The following DMXL2 variants were observed in gnomAD, a reference collection of about 807,000 sequenced individuals.
DMXL2 encodes Dmx like 2.
DMXL2 carries 103 observed loss-of-function variants against 331.1 expected under a neutral mutation model. The ratio of observed to expected loss-of-function variants is 0.31; its 90% CI spans 0.27 to 0.37. The LOEUF is 0.37. Ranked by LOEUF, DMXL2 falls within the 10% of genes least tolerant of loss-of-function variation. The pLI is 1.00. For missense variants in DMXL2, 3,171 were observed against 3,642.9 expected, an observed-to-expected ratio of 0.87 and a Z score of 3.33; for synonymous variants, 1,281 against 1,252.1, an observed-to-expected ratio of 1.02 and a Z score of -0.49.
intron 1 of DMXL2, among the ~76,000 whole-genome samples, chr15:51,608,093 G>A (rs1480610022): frequency 6.6e-6 from 1 of 151,942 alleles, no homozygotes; most frequent in African/African-American, 2.4e-5. Flanking sequence ...GCTGAGGCAG[G>A]AGAACCACGT....
In DMXL2 at chr15:51,537,717, G is replaced by A. The variant is rs1413732407; in HGVS notation, c.1388C>T (p.Ser463Leu). 5 of 1,613,672 alleles carry A rather than the reference G, an allele frequency of 3.1e-6. No individual in the cohort carries two copies. The highest frequency in any genetic ancestry group is 4.2e-6 in the Non-Finnish European group (5 of 1,179,808). ...TTCTCTTTCTCCATCTTCATGTTCT[G>A]ATGATCCTGTACCTGCCTCAGATTC... ...DRESEAGTGS[S>L]EHEDGEREGS... Residue 463 changes from serine to leucine, a missense_variant, in exon 11 of 44, where the codon TCA becomes TTA. Physicochemically the swap from Ser to Leu is moderately radical, Grantham distance 145. Transcript: ENST00000560891.
chr15:51,617,418 A>G lies in DMXL2; in HGVS notation c.87+5041T>C, dbSNP rs1225001307. 4.6e-4 allele frequency among the ~76,000 whole-genome samples: 70 copies of G among 152,204 alleles called. 1 individual carries two copies. Among genetic ancestry groups the G allele is most frequent in the Admixed American group, 4.5e-3 (68 of 15,278 alleles). On this transcript the variant is annotated intron_variant, in intron 1 of 43. Transcript: ENST00000560891. ...GAGGCTTCTCCTCAGCTGTAAGCCC[A>G]AAGACTCATTCCTAGACCCACTACT...
At chr15:51,533,806 T>C (rs993339940) in intron 13 of DMXL2, among the ~76,000 whole-genome samples, 1 of 152,214 alleles carries the variant, frequency 6.6e-6, no homozygotes, top group African/African-American at 2.4e-5. Flanking sequence ...ATTTCAAATG[T>C]ATACTGCTAG....
intron 2 of DMXL2, among the ~76,000 whole-genome samples, chr15:51,573,757 G>A (rs1044310228): frequency 1.4e-4 from 21 of 152,002 alleles, no homozygotes; most frequent in Non-Finnish European, 2.5e-4. Flanking sequence ...ATGGGTTGAT[G>A]GGTGCAGCAA....
At chr15:51,564,987 A>G in intron 4 of DMXL2, 101 bp downstream of exon 4, 1 of 696,856 alleles carries the variant, frequency 1.4e-6, no homozygotes, top group South Asian at 4.1e-5. Flanking sequence ...AAAATATAAT[A>G]CATTGATCAT....
chr15:51,536,763 C>T lies in DMXL2; in HGVS notation c.1717G>A (p.Asp573Asn). ...TGGTGTAACAGCGTGTGGTGAGAATCTTTTGTCGCATTTATACAGGCATAC... is the reference window on the plus strand; with the variant it reads ...TGGTGTAACAGCGTGTGGTGAGAATTTTTTGTCGCATTTATACAGGCATAC... The part of the protein sequence containing the change: ...MMYACINATK[D>N]SHHTLLHQEG... Residue 573 changes from aspartate to asparagine, a missense_variant, in exon 12 of 44, where the codon GAT (aspartate) becomes AAT (asparagine). Asp to Asn is a conservative substitution (Grantham distance 23). Coordinates refer to ENST00000560891, the MANE Select transcript of DMXL2 (RefSeq NM_001378457.1). 6.2e-7 allele frequency: 1 copy of T among 1,613,990 alleles called. No individual in the cohort carries two copies. Among genetic ancestry groups the T allele is most frequent in the Non-Finnish European group, 8.5e-7 (1 of 1,179,982 alleles).
chr15:51,498,871 CTT>C lies in DMXL2; in HGVS notation c.4351_4352del (p.Lys1451AspfsTer6). On this transcript the variant is annotated frameshift_variant, in exon 18 of 44. Transcript: ENST00000560891. LOFTEE classifies it high-confidence loss of function. ...TSYRISEEST[K>X]IPQSYEDQTV... The stretch of plus-strand genomic sequence containing the variant: ...TCTGATCTTCATAGCTCTGTGGTAT[CTT>C]TGTACTTTCTTCTGAAATTCTGTAG... 3.1e-6 allele frequency: 5 copies of C among 1,614,102 alleles called. No individual in the cohort carries two copies. Among genetic ancestry groups the C allele is most frequent in the Non-Finnish European group, 4.2e-6 (5 of 1,180,004 alleles).
At chr15:51,597,480 GGTGTAT>G (rs1174124699) in intron 1 of DMXL2, among the ~76,000 whole-genome samples, 1 of 152,068 alleles carries the variant, frequency 6.6e-6, no homozygotes, top group African/African-American at 2.4e-5. Context: ...AGTTTATCCT[GGTGTAT>G]GTAACTGTGA....
At chr15:51,525,307 C>T (rs939456584) in intron 13 of DMXL2, among the ~76,000 whole-genome samples, 9 of 152,098 alleles carry the variant, frequency 5.9e-5, no homozygotes, top group Admixed American at 1.3e-4. Context: ...AGGTGAGACT[C>T]GGCACATTCC....
At chr15:51,549,754 T>TC (rs2049097031) in intron 6 of DMXL2, among the ~76,000 whole-genome samples, 1 of 152,180 alleles carries the variant, frequency 6.6e-6, no homozygotes, top group Admixed American at 6.6e-5. Context: ...CATTTGTATA[T>TC]CCTCCTTGGA....
At chr15:51,467,069 T>C (rs1326749385) in intron 29 of DMXL2, among the ~76,000 whole-genome samples, 1 of 151,952 alleles carries the variant, frequency 6.6e-6, no homozygotes, top group Non-Finnish European at 1.5e-5. Context: ...ATGGAACAAC[T>C]AGTTAGCTAA....
At chr15:51,457,641 C>A in intron 36 of DMXL2, 175 bp from the exon 37 acceptor site, 1 of 638,616 alleles carries the variant, frequency 1.6e-6, no homozygotes, top group Non-Finnish European at 2.5e-6. Flanking sequence ...TAACTTTTTT[C>A]CCTTTTGGCA....
chr15:51,516,680 T>A (rs560344652), intron 14 of DMXL2, among the ~76,000 whole-genome samples: 1 of 152,322 alleles, frequency 6.6e-6, no homozygotes, highest in Non-Finnish European at 1.5e-5. Flanking sequence ...TACAAGTGGT[T>A]TTTTTGTTAC....
At chr15:51,600,865 T>A (rs1376890609) in intron 1 of DMXL2, among the ~76,000 whole-genome samples, 1 of 152,126 alleles carries the variant, frequency 6.6e-6, no homozygotes, top group Non-Finnish European at 1.5e-5. Context: ...ACTGTAAACA[T>A]CCATGACCAT....
intron 6 of DMXL2, among the ~76,000 whole-genome samples, chr15:51,558,352 A>G (rs2141009169): frequency 6.6e-6 from 1 of 152,312 alleles, no homozygotes; most frequent in Admixed American, 6.5e-5. Context: ...CTGCTTCTGA[A>G]GAAACCAAGA....
rs146080198 is a variant in DMXL2 at position 51,497,008 on chromosome 15, T to C, written c.4672+1544A>G. On this transcript the variant is annotated intron_variant, in intron 18 of 43. Coordinates refer to ENST00000560891, the MANE Select transcript of DMXL2 (RefSeq NM_001378457.1). ...GCTTAGCCAATGATACAGTTTTGTATTAGAAAGTATAAACTATTTTTTACA... is the reference window on the plus strand; with the variant it reads ...GCTTAGCCAATGATACAGTTTTGTACTAGAAAGTATAAACTATTTTTTACA... Among the ~76,000 whole-genome samples the C allele has an allele frequency of 2.2e-3, 334 of 152,342 alleles. 4 individuals are homozygous for C. The highest frequency in any genetic ancestry group is 7.9e-3 in the African/African-American group (327 of 41,586).
intron 8 of DMXL2, among the ~76,000 whole-genome samples, chr15:51,542,838 TA>T (rs77645309): frequency 9.8e-4 from 140 of 143,350 alleles, no homozygotes; most frequent in African/African-American, 1.1e-3. Flanking sequence ...GTCATAAGAG[TA>T]AAAAAAAAAA....
chr15:51,465,708 CAG>C, intron 30 of DMXL2, 57 bp from the exon 31 acceptor site: 1 of 1,278,160 alleles, frequency 7.8e-7, no homozygotes, highest in Non-Finnish European at 1.1e-6. Context: ...ATGGGAGAAA[CAG>C]AGTGGTGTTC....
chr15:51,455,004 A>AGGAT, intron 40 of DMXL2, 147 bp downstream of exon 40: 1 of 633,392 alleles, frequency 1.6e-6, no homozygotes, highest in Admixed American at 2.5e-5. Context: ...AACTAGGGTA[A>AGGAT]GGATGGGTGC....
Sources: gnomAD v4.1 joint callset for allele counts (sites outside exome capture counted in the v4.1 genomes callset) on GRCh38, gnomAD v4.1.1 for gene constraint, MANE v1.5 for transcripts, NCBI Gene and HGNC (gene_info 2026-07-23, HGNC 2026-07-21) for gene names.